Variants in TMEM132D observed in about 807,000 individuals in gnomAD.
TMEM132D encodes the protein transmembrane protein 132D, also known as mature OL transmembrane protein.
TMEM132D carries 21 observed loss-of-function variants against 62.3 expected under a neutral mutation model. That is an observed-to-expected ratio of 0.34 (90% CI 0.24 to 0.49). The LOEUF is 0.49. TMEM132D is among the 20% of genes least tolerant of loss of function. The probability of loss-of-function intolerance (pLI) is 0.99; values close to 1 mark genes in which losing one functional copy is unlikely to be tolerated. For synonymous variants in TMEM132D, 621 were observed against 575.6 expected (o/e 1.08, Z -1.13); for missense variants, 1,346 against 1,402.8 (o/e 0.96, Z 0.65).
At chr12:129,388,782 CTGA>C (rs1438992860) in intron 3 of TMEM132D, among the ~76,000 whole-genome samples, 27 of 118,284 alleles carry the variant, frequency 2.3e-4, no homozygotes, top group Admixed American at 7.2e-4. Context: ...CAATCCAGCA[CTGA>C]TGATAATATT....
At chr12:129,428,361 A>T (rs966088798) in intron 3 of TMEM132D, among the ~76,000 whole-genome samples, 1 of 152,260 alleles carries the variant, frequency 6.6e-6, no homozygotes, top group African/African-American at 2.4e-5. Context: ...ACAACAAGAA[A>T]CAAAAACCAT....
At chr12:129,250,541 G>C (rs1246964939) in intron 4 of TMEM132D, among the ~76,000 whole-genome samples, 2 of 152,152 alleles carry the variant, frequency 1.3e-5, no homozygotes, top group East Asian at 3.9e-4. Context: ...GGATGAACCA[G>C]AACACCCCTG....
At chr12:129,380,938 C>T (rs1870932499) in intron 3 of TMEM132D, among the ~76,000 whole-genome samples, 1 of 152,046 alleles carries the variant, frequency 6.6e-6, no homozygotes, top group South Asian at 2.1e-4. Context: ...GAAATCTTTT[C>T]AAATAAATAA....
chr12:129,703,041 C>T (rs965005177), intron 1 of TMEM132D, among the ~76,000 whole-genome samples: 1 of 152,184 alleles, frequency 6.6e-6, no homozygotes, highest in African/African-American at 2.4e-5. Context: ...TACAGTGTCC[C>T]CTATTGTTAA....
intron 1 of TMEM132D, among the ~76,000 whole-genome samples, chr12:129,761,358 C>G (rs1211791151): frequency 1.3e-5 from 2 of 152,128 alleles, no homozygotes; most frequent in Non-Finnish European, 2.9e-5. Context: ...GACCTCCCAC[C>G]TGGCTGCCCC....
rs35768966 is a variant in TMEM132D, at chr12:129,287,045, C to CAA, written c.1299+50587_1299+50588dup. On this transcript the variant is annotated intron_variant, in intron 4 of 8. Transcript: ENST00000422113. The stretch of plus-strand genomic sequence containing the variant: ...CCTGGGCAACAGAGTGAGACTCTGT[C>CAA]AAAAAAAAAAAAGGGAGAAAAGGGG... Among the ~76,000 whole-genome samples the CAA allele has an allele frequency of 7.1e-3, 997 of 140,876 alleles. 10 individuals carry two copies. The highest frequency in any genetic ancestry group is 0.02 in the African/African-American group (739 of 37,800). 92.4% of individuals were successfully genotyped at this position (140,876 alleles called of 152,430 possible). A position where few individuals can be genotyped will look rare whatever the true frequency, so the allele number is the denominator to read the frequency against.
chr12:129,820,556 C>T (rs773916509), intron 1 of TMEM132D, among the ~76,000 whole-genome samples: 1 of 152,168 alleles, frequency 6.6e-6, no homozygotes, highest in Non-Finnish European at 1.5e-5. Flanking sequence ...ATACCAGAAA[C>T]TCATTTAATT....
At chr12:129,572,111 C>T (rs1413946387) in intron 2 of TMEM132D, among the ~76,000 whole-genome samples, 8 of 152,226 alleles carry the variant, frequency 5.3e-5, no homozygotes, top group Admixed American at 2.6e-4. Context: ...TGGGTGACAA[C>T]GGGCCTCACT....
In TMEM132D at chr12:129,371,366, GTGATGATGGTGATGATGAA is replaced by G. The variant is rs1029362781; in HGVS notation, c.1116-33568_1116-33550del. On this transcript the variant is annotated intron_variant, in intron 3 of 8. Transcript: ENST00000422113. The surrounding 1 kb of genome is among the most constrained non-coding windows in gnomAD (Gnocchi z 4.3). ...TTATAATGATGGTGACAATAATGAT[GTGATGATGGTGATGATGAA>G]TGATGATGGTGGTGATTATGATGAT... 1.3e-5 allele frequency among the ~76,000 whole-genome samples: 2 copies of G among 151,742 alleles called. No homozygotes were observed. Among genetic ancestry groups the G allele is most frequent in the African/African-American group, 4.8e-5 (2 of 41,286 alleles).
At chr12:129,684,454 G>C (rs956939183) in intron 2 of TMEM132D, among the ~76,000 whole-genome samples, 9 of 152,128 alleles carry the variant, frequency 5.9e-5, no homozygotes, top group African/African-American at 2.2e-4. Context: ...AGAACTGTGA[G>C]TCAATTAAAC....
chr12:129,680,824 TA>T (rs1177576313), intron 2 of TMEM132D, among the ~76,000 whole-genome samples: 1 of 152,104 alleles, frequency 6.6e-6, no homozygotes, highest in Non-Finnish European at 1.5e-5. Context: ...GAGGTTGTGT[TA>T]AAAGAGGCCA....
At chr12:129,539,405 CTTT>C (rs33913406) in intron 2 of TMEM132D, among the ~76,000 whole-genome samples, 3 of 117,012 alleles carry the variant, frequency 2.6e-5, no homozygotes, top group Admixed American at 9.4e-5. Flanking sequence ...CTAATTTTTT[CTTT>C]TTTTTTTTTT....
chr12:129,681,961 T>G (rs1880787694), intron 2 of TMEM132D, among the ~76,000 whole-genome samples: 1 of 152,224 alleles, frequency 6.6e-6, no homozygotes, highest in Non-Finnish European at 1.5e-5. Context: ...ACCTTCAGAT[T>G]TGAAGGAGGG....
At chr12:129,359,093 C>A (rs578178626) in intron 3 of TMEM132D, among the ~76,000 whole-genome samples, 1 of 151,886 alleles carries the variant, frequency 6.6e-6, no homozygotes, top group Non-Finnish European at 1.5e-5. Context: ...TATTCAGTTA[C>A]AAGAAGGAAA....
intron 3 of TMEM132D, among the ~76,000 whole-genome samples, chr12:129,467,883 A>G (rs1475649382): frequency 2.0e-5 from 3 of 152,188 alleles, no homozygotes; most frequent in African/African-American, 7.2e-5. Flanking sequence ...GAAGGAGGCA[A>G]GCCCAGAACC....
At chr12:129,746,377 T>C (rs946682227) in intron 1 of TMEM132D, among the ~76,000 whole-genome samples, 7 of 152,088 alleles carry the variant, frequency 4.6e-5, no homozygotes, top group Admixed American at 2.0e-4. Context: ...GCTTGTAAGG[T>C]AGAATTGGGA....
intron 3 of TMEM132D, among the ~76,000 whole-genome samples, chr12:129,430,503 G>A (rs889278487): frequency 3.0e-4 from 45 of 151,898 alleles, no homozygotes; most frequent in South Asian, 2.1e-4. Context: ...TTTTTGTAGC[G>A]ATGGGGTCCC....
chr12:129,399,842 T>C (rs1407989807), intron 3 of TMEM132D, among the ~76,000 whole-genome samples: 1 of 151,782 alleles, frequency 6.6e-6, no homozygotes, highest in Non-Finnish European at 1.5e-5. Flanking sequence ...TATACACTGA[T>C]GAACAGGGAA....
intron 5 of TMEM132D, among the ~76,000 whole-genome samples, chr12:129,123,157 A>G (rs1474236442): frequency 1.3e-5 from 2 of 152,222 alleles, no homozygotes; most frequent in Non-Finnish European, 2.9e-5. Context: ...TCTTTCAGTT[A>G]TTTCATGAAT....
Sources: allele counts gnomAD v4.1 joint callset (sites outside exome capture counted in the v4.1 genomes callset), GRCh38; gene constraint gnomAD v4.1.1; non-coding constraint Gnocchi (gnomAD v3.1); transcripts MANE v1.5; gene names NCBI Gene and HGNC (gene_info 2026-07-23, HGNC 2026-07-21).